SEMA4B: variants seen among roughly 807,000 people sequenced by gnomAD.
SEMA4B encodes semaphorin 4B.
Under a neutral mutation model 88.1 loss-of-function variants are expected in SEMA4B, and 55 were observed. That is an observed-to-expected ratio of 0.62 (90% CI 0.50 to 0.78). The LOEUF is 0.78. Ranked by LOEUF, SEMA4B falls within the 30% of genes least tolerant of loss-of-function variation. The probability of loss-of-function intolerance (pLI) is 0.00; values close to 1 mark genes in which losing one functional copy is unlikely to be tolerated. For synonymous variants in SEMA4B, 525 were observed against 473.6 expected, an observed-to-expected ratio of 1.11 and a Z score of -1.41; for missense variants, 1,062 against 1,111.9, an observed-to-expected ratio of 0.96 and a Z score of 0.64.
intron 7 of SEMA4B, among the ~76,000 whole-genome samples, 154 bp downstream of exon 7, chr15:90,221,919 C>T (rs1961871766): frequency 6.8e-6 from 1 of 146,124 alleles, no homozygotes; most frequent in East Asian, 2.1e-4. Context: ...ATTAAAATAT[C>T]TTACTACTTT....
chr15:90,220,110 G>A (rs1049714115), intron 4 of SEMA4B: 73 of 518,486 alleles, frequency 1.4e-4, no homozygotes, highest in African/African-American at 5.4e-4. Flanking sequence ...GGGCACATGC[G>A]GTCACTTACC....
At chr15:90,196,611 C>G (rs571513806), upstream of SEMA4B, among the ~76,000 whole-genome samples, 158 of 152,164 alleles carry the variant, frequency 1.0e-3, 1 homozygote, top group African/African-American at 3.7e-3. Context: ...CTCAGCCTCC[C>G]GAGTAGCTGG....
chr15:90,198,762 G>A (rs1302311046), upstream of SEMA4B, among the ~76,000 whole-genome samples: 1 of 152,172 alleles, frequency 6.6e-6, no homozygotes, highest in African/African-American at 2.4e-5. Context: ...TGGTGGTGAG[G>A]ATGACATGGA....
chr15:90,204,431 C>T (rs1960894580), intron 1 of SEMA4B, among the ~76,000 whole-genome samples: 1 of 152,182 alleles, frequency 6.6e-6, no homozygotes, highest in Non-Finnish European at 1.5e-5. Flanking sequence ...TGATGAACAG[C>T]ACATTCCTGG....
At chr15:90,193,912 C>T (rs1409970815) in intron 1 of SEMA4B, among the ~76,000 whole-genome samples, 9 of 151,084 alleles carry the variant, frequency 6.0e-5, no homozygotes, top group South Asian at 2.1e-4. Flanking sequence ...AGCACAGTGG[C>T]GCCATCTTGG....
intron 7 of SEMA4B, among the ~76,000 whole-genome samples, chr15:90,222,384 A>T (rs1961907371): frequency 6.6e-6 from 1 of 151,268 alleles, no homozygotes; most frequent in South Asian, 2.1e-4. Context: ...AACCTGGCCA[A>T]CATGGTAAAA....
Position 90,229,138 on chromosome 15 carries a change from C to A in SEMA4B, c.*495C>A. ...GCCCTGTCTCACTGCAGATTCAGGA[C>A]CAGCTTGGGCTGCGTGCGTTCTGCC... is the stretch of plus-strand genomic sequence containing the variant. On this transcript the variant is annotated 3_prime_UTR_variant, in exon 14 of 14. Coordinates refer to ENST00000411539, the MANE Select transcript of SEMA4B (RefSeq NM_198925.4). 1 of 357,344 alleles carries A rather than the reference C, an allele frequency of 2.8e-6. No homozygotes were observed. Among genetic ancestry groups the A allele is most frequent in the South Asian group, 2.1e-5 (1 of 48,482 alleles). 22.1% of individuals were successfully genotyped at this position (357,344 alleles called of 1,614,324 possible). A position where few individuals can be genotyped will look rare whatever the true frequency, so the allele number is the denominator to read the frequency against.
chr15:90,213,528 A>G (rs1961373916), intron 1 of SEMA4B, among the ~76,000 whole-genome samples: 1 of 152,212 alleles, frequency 6.6e-6, no homozygotes, highest in South Asian at 2.1e-4. Context: ...TGGCTGGTCT[A>G]TAGGTTTCCC....
intron 1 of SEMA4B, 45 bp from the exon 2 acceptor site, chr15:90,217,394 C>G: frequency 1.9e-6 from 3 of 1,579,096 alleles, no homozygotes; most frequent in Non-Finnish European, 2.6e-6. Flanking sequence ...AGAGGCTTCC[C>G]ATGGGAGGGG....
upstream of SEMA4B, among the ~76,000 whole-genome samples, chr15:90,197,540 C>A (rs1177447795): frequency 6.6e-6 from 1 of 151,778 alleles, no homozygotes; most frequent in South Asian, 2.1e-4. Flanking sequence ...CGGGTTCACG[C>A]CATTCTCCTG....
chr15:90,217,965 G>A (rs1416984929), intron 3 of SEMA4B, 136 bp downstream of exon 3: 5 of 707,816 alleles, frequency 7.1e-6, no homozygotes, highest in Admixed American at 2.6e-5. Context: ...GAGATTACCC[G>A]GCCTGGGTTT....
Position 90,217,562 on chromosome 15 carries a change from G to A in SEMA4B, c.281G>A (p.Ser94Asn), listed in dbSNP as rs573640984. ...GCTCGAGAGGCCCTCTTTGCACTCA[G>A]TAGCAACCTCAGCTTCCTGCCAGGC... ...VGAREALFAL[S>N]SNLSFLPGGE... The change falls in exon 2 of 14, where the codon AGT (serine) becomes AAT (asparagine). Residue 94 changes from serine to asparagine, a missense_variant. Coordinates refer to ENST00000411539, the MANE Select transcript of SEMA4B (RefSeq NM_198925.4). 58 of 1,613,992 alleles carry A rather than the reference G, an allele frequency of 3.6e-5. No homozygotes were observed. Among genetic ancestry groups the A allele is most frequent in the Non-Finnish European group, 4.6e-5 (54 of 1,179,888 alleles).
chr15:90,226,639 CCAAA>C (rs1266178039), intron 12 of SEMA4B, among the ~76,000 whole-genome samples: 2 of 152,164 alleles, frequency 1.3e-5, no homozygotes, highest in Admixed American at 6.5e-5. Context: ...CCGCGTCTGG[CCAAA>C]CATTCATATA....
Position 90,192,586 on chromosome 15 carries a change from C to CTT in SEMA4B, c.-122+7525_-122+7526dup, listed in dbSNP as rs67328606. Among the ~76,000 whole-genome samples, 74 of 88,654 alleles carry CTT rather than the reference C, an allele frequency of 8.3e-4. 1 individual carries two copies. Among genetic ancestry groups the CTT allele is most frequent in the African/African-American group, 1.2e-3 (26 of 21,838 alleles). The allele number at this position is 88,654 out of a possible 152,430, so 58.2% of individuals were successfully genotyped here. A position where few individuals can be genotyped will look rare whatever the true frequency, so the allele number is the denominator to read the frequency against. ...TCCCTTTATTTTCTTTCCCTTGTAG[C>CTT]TTTTTTTTTTTTTTTTTTTTTGAGA... On this transcript the variant is annotated intron_variant, in intron 1 of 14. Transcript: ENST00000332496.
chr15:90,197,218 T>G (rs1437948024), upstream of SEMA4B, among the ~76,000 whole-genome samples: 2 of 151,834 alleles, frequency 1.3e-5, no homozygotes, highest in African/African-American at 4.8e-5. Flanking sequence ...GAAACCCCTT[T>G]CTCTACAAAA....
rs372757932 is a variant in SEMA4B, at chr15:90,227,668, G to A, written c.1774+26G>A. The A allele has an allele frequency of 1.2e-4, 201 of 1,610,440 alleles. No individual in the cohort carries two copies. In the South Asian group the frequency reaches 1.4e-3, roughly 11 times the overall value. On this transcript the variant is annotated intron_variant, in intron 13 of 13. Coordinates refer to ENST00000411539, the MANE Select transcript of SEMA4B (RefSeq NM_198925.4). ...GTGAGGTGCCCCCTCAAAAGGTGGA[G>A]GAGAGAGGTGGGGACAAGTGTGCTT...
In SEMA4B at chr15:90,201,571, C is replaced by G. The variant is rs984499844; in HGVS notation, c.-8C>G. 1 of 1,486,476 alleles carries G rather than the reference C, an allele frequency of 6.7e-7. No homozygotes were observed. The highest frequency in any genetic ancestry group is 8.9e-7 in the Non-Finnish European group (1 of 1,125,152). The allele number at this position is 1,486,476 out of a possible 1,614,324, so 92.1% of individuals were successfully genotyped here. On this transcript the variant is annotated 5_prime_UTR_variant, in exon 1 of 14. Coordinates refer to ENST00000411539, the MANE Select transcript of SEMA4B (RefSeq NM_198925.4). The stretch of plus-strand genomic sequence containing the variant: ...GAGCCGCGGGACACCGTCGCTCCTG[C>G]TCTCCGAATGCTGCGCACCGCGATG...
In SEMA4B at chr15:90,225,845, C is replaced by G; in HGVS notation, c.1688+18C>G. On this transcript the variant is annotated intron_variant, in intron 12 of 13. Coordinates refer to ENST00000411539, the MANE Select transcript of SEMA4B (RefSeq NM_198925.4). ...GCCACCAGGTGAGCACTCCCAAAGG[C>G]CCCTTCCCATCTGTCCAGCCCTGCA... The G allele has an allele frequency of 6.7e-7, 1 of 1,500,124 alleles. No homozygotes were observed. The highest frequency in any genetic ancestry group is 8.9e-7 in the Non-Finnish European group (1 of 1,126,056). The allele number at this position is 1,500,124 out of a possible 1,614,324, so 92.9% of individuals were successfully genotyped here. A position where few individuals can be genotyped will look rare whatever the true frequency, so the allele number is the denominator to read the frequency against.
chr15:90,212,464 A>G lies in SEMA4B; in HGVS notation c.158-4975A>G, dbSNP rs1961316768. Reference sequence around the variant, plus strand: ...GATTTAGAGGATGTCCGAGCAGCACAGGCAGCCCAGGAGAGCGAGCGAGAC... The same window carrying G: ...GATTTAGAGGATGTCCGAGCAGCACGGGCAGCCCAGGAGAGCGAGCGAGAC... On this transcript the variant is annotated intron_variant, in intron 1 of 13. Coordinates refer to ENST00000411539, the MANE Select transcript of SEMA4B (RefSeq NM_198925.4). The surrounding 1 kb of genome is among the most constrained non-coding windows in gnomAD (Gnocchi z 4.0). 1.3e-5 allele frequency among the ~76,000 whole-genome samples: 2 copies of G among 152,182 alleles called. No homozygotes were observed. Among genetic ancestry groups the G allele is most frequent in the Non-Finnish European group, 2.9e-5 (2 of 68,024 alleles).
Sources: gnomAD v4.1 joint callset for allele counts (sites outside exome capture counted in the v4.1 genomes callset) on GRCh38, gnomAD v4.1.1 for gene constraint, Gnocchi (gnomAD v3.1) non-coding constraint, MANE v1.5 for transcripts, NCBI Gene and HGNC (gene_info 2026-07-23, HGNC 2026-07-21) for gene names.